The following DPP10 variants were observed in gnomAD, a reference collection of about 807,000 sequenced individuals.
DPP10 encodes the protein inactive dipeptidyl peptidase 10.
Under a neutral mutation model 120.9 loss-of-function variants are expected in DPP10, and 33 were observed. The ratio of observed to expected loss-of-function variants is 0.27; its 90% CI spans 0.21 to 0.37. The LOEUF (loss-of-function observed/expected upper bound fraction) is 0.37. DPP10 is among the 10% of genes least tolerant of loss of function. DPP10 has a pLI of 1.00. For synonymous variants in DPP10, 337 were observed against 326.1 expected (o/e 1.03, Z -0.36); for missense variants, 816 against 942.8 (o/e 0.87, Z 1.76).
intron 3 of DPP10, among the ~76,000 whole-genome samples, chr2:115,450,020 C>G (rs1174631621): frequency 6.6e-6 from 1 of 151,914 alleles, no homozygotes; most frequent in Non-Finnish European, 1.5e-5. Context: ...AAATTGAGGC[C>G]TCTTGAATCC....
intron 1 of DPP10, among the ~76,000 whole-genome samples, chr2:115,018,858 T>C (rs1270491700): frequency 6.6e-6 from 1 of 152,108 alleles, no homozygotes; most frequent in Admixed American, 6.5e-5. Context: ...ACTTAAAGTA[T>C]GATAAAAATA....
At chr2:115,496,272 A>G (rs1006314824) in intron 3 of DPP10, among the ~76,000 whole-genome samples, 3 of 152,178 alleles carry the variant, frequency 2.0e-5, no homozygotes, top group Admixed American at 2.0e-4. Context: ...TTATTAAGCT[A>G]GAGAATTACA....
rs1437540182 is a variant in DPP10, at chr2:115,814,814, G to T, written c.1722G>T (p.Gln574His). The change falls in exon 20 of 26, where the codon CAG becomes CAT. Residue 574 changes from glutamine to histidine, a missense_variant. By Grantham distance (24) the Gln-to-His change is conservative. Coordinates refer to ENST00000410059, the MANE Select transcript of DPP10 (RefSeq NM_020868.6). ...LLIMDEEPGG[Q>H]LVTDKFHIDW... ...GCAGGGATGAAGAACCAGGAGGCCA[G>T]CTGGTTACAGATAAGTTCCATATTG... is the stretch of plus-strand genomic sequence containing the variant. 1 of 1,558,508 alleles carries T rather than the reference G, an allele frequency of 6.4e-7. No homozygotes were observed. Among genetic ancestry groups the T allele is most frequent in the East Asian group, 2.3e-5 (1 of 43,960 alleles).
intron 19 of DPP10, among the ~76,000 whole-genome samples, chr2:115,794,933 G>C (rs1684378844): frequency 6.6e-6 from 1 of 152,016 alleles, no homozygotes; most frequent in Non-Finnish European, 1.5e-5. Flanking sequence ...CGTGTTAATG[G>C]CTATGGGGAG....
At chr2:115,028,351 G>A (rs1703614901) in intron 1 of DPP10, among the ~76,000 whole-genome samples, 1 of 151,990 alleles carries the variant, frequency 6.6e-6, no homozygotes, top group Non-Finnish European at 1.5e-5. Flanking sequence ...ATGACCCATT[G>A]ATCATTTAGG....
At chr2:115,416,533 A>G (rs1208626303) in intron 3 of DPP10, among the ~76,000 whole-genome samples, 2 of 152,058 alleles carry the variant, frequency 1.3e-5, no homozygotes, top group African/African-American at 4.8e-5. Flanking sequence ...TAGGCCATCT[A>G]TTCTGTAGGA....
intron 1 of DPP10, among the ~76,000 whole-genome samples, chr2:115,159,327 G>A (rs7571540): frequency 0.011 from 1,705 of 152,160 alleles, 24 homozygotes; most frequent in African/African-American, 0.029. Flanking sequence ...GTGTGGTGGC[G>A]CGCGCCTGTA....
chr2:115,583,448 G>C (rs1470704602), intron 5 of DPP10, among the ~76,000 whole-genome samples: 1 of 152,194 alleles, frequency 6.6e-6, no homozygotes, highest in Non-Finnish European at 1.5e-5. Flanking sequence ...GCCTCTTGGT[G>C]CCTTGGAAAG....
chr2:115,642,226 G>C (rs970548092), intron 5 of DPP10, among the ~76,000 whole-genome samples: 1 of 151,754 alleles, frequency 6.6e-6, no homozygotes, highest in Admixed American at 6.6e-5. Context: ...GGTTAATTCC[G>C]TGTGTCAGTT....
Position 114,556,194 on chromosome 2 carries a change from C to A in DPP10, c.60+113356C>A, listed in dbSNP as rs1043661402. On this transcript the variant is annotated intron_variant, in intron 1 of 25. Coordinates refer to ENST00000410059, the MANE Select transcript of DPP10 (RefSeq NM_020868.6). ...AGAAGAGAGAGGGTGGTGACTTGAA[C>A]TAGGGCTGTAGCAGGAGAAACAGTG... is the stretch of plus-strand genomic sequence containing the variant. Among the ~76,000 whole-genome samples, 4 of 136,146 alleles carry A rather than the reference C, an allele frequency of 2.9e-5. No homozygotes were observed. The Admixed American group carries it at 3.3e-4, about 11-fold the overall frequency. 89.3% of individuals were successfully genotyped at this position (136,146 alleles called of 152,430 possible).
At chr2:115,729,012 A>G (rs1052245247) in intron 8 of DPP10, among the ~76,000 whole-genome samples, 1 of 152,234 alleles carries the variant, frequency 6.6e-6, no homozygotes, top group Non-Finnish European at 1.5e-5. Context: ...CCAGCATGAA[A>G]TAAGATTTTT....
At chr2:114,984,012 G>A (rs898398749) in intron 1 of DPP10, among the ~76,000 whole-genome samples, 6 of 152,168 alleles carry the variant, frequency 3.9e-5, no homozygotes, top group Non-Finnish European at 8.8e-5. Flanking sequence ...TGGTATGGGT[G>A]CTTAGAATCA....
At chr2:115,109,530 G>A (rs1168207456) in intron 1 of DPP10, among the ~76,000 whole-genome samples, 8 of 142,550 alleles carry the variant, frequency 5.6e-5, no homozygotes, top group Non-Finnish European at 1.2e-4. Context: ...GCGAGACTCC[G>A]TCTCAAAAAA....
In DPP10 at chr2:115,520,211, G is replaced by A. The variant is rs548330405; in HGVS notation, c.367-5687G>A. Among the ~76,000 whole-genome samples, 12 of 152,132 alleles carry A rather than the reference G, an allele frequency of 7.9e-5. No homozygotes were observed. The South Asian group carries it at 2.5e-3, about 32-fold the overall frequency. The stretch of plus-strand genomic sequence containing the variant: ...CGGGCACCTGTAGTCCCAGCTACTC[G>A]GGAGGCTGAGGCAGGAGAACTGCAT... On this transcript the variant is annotated intron_variant, in intron 4 of 25. Coordinates refer to ENST00000410059, the MANE Select transcript of DPP10 (RefSeq NM_020868.6).
chr2:115,052,908 T>C (rs894551578), intron 1 of DPP10, among the ~76,000 whole-genome samples: 1 of 147,760 alleles, frequency 6.8e-6, no homozygotes, highest in Non-Finnish European at 1.5e-5. Flanking sequence ...GCTGAGATCT[T>C]GCCTCTGCAC....
chr2:114,449,811 T>C lies in DPP10; in HGVS notation c.60+6973T>C, dbSNP rs1678157144. Among the ~76,000 whole-genome samples the C allele has an allele frequency of 2.0e-5, 3 of 152,328 alleles. No individual in the cohort carries two copies. The South Asian group carries it at 6.2e-4, about 32-fold the overall frequency. ...GAGTTGTATAGTGAGAATCAATTTT[T>C]ATGACATAAAAGCTGAGAATTTTAT... On this transcript the variant is annotated intron_variant, in intron 1 of 25. Transcript: ENST00000410059.
At chr2:115,195,005 G>A (rs1329261702) in intron 1 of DPP10, among the ~76,000 whole-genome samples, 1 of 152,158 alleles carries the variant, frequency 6.6e-6, no homozygotes, top group East Asian at 1.9e-4. Context: ...ATAAACTTAA[G>A]CTGGGACAGT....
At chr2:115,242,970 A>T (rs1412635179) in intron 1 of DPP10, among the ~76,000 whole-genome samples, 2 of 152,148 alleles carry the variant, frequency 1.3e-5, no homozygotes, top group South Asian at 4.1e-4. Context: ...GTAGTTGGTG[A>T]TACTTCTATC....
intron 5 of DPP10, among the ~76,000 whole-genome samples, chr2:115,568,105 G>C (rs1285092767): frequency 6.6e-6 from 1 of 151,970 alleles, no homozygotes; most frequent in Non-Finnish European, 1.5e-5. Flanking sequence ...TTGAACCCTG[G>C]AGGCAGAGGT....
Sources: gnomAD v4.1 joint callset for allele counts (sites outside exome capture counted in the v4.1 genomes callset) on GRCh38, gnomAD v4.1.1 for gene constraint, MANE v1.5 for transcripts, NCBI Gene and HGNC (gene_info 2026-07-23, HGNC 2026-07-21) for gene names.